Variants in SLC19A3 observed in about 807,000 individuals in gnomAD.
SLC19A3 encodes thiamine transporter 2.
SLC19A3 carries 31 observed loss-of-function variants against 40.2 expected under a neutral mutation model. The observed-to-expected ratio is 0.77, with a 90% CI of 0.58 to 1.04. The LOEUF (loss-of-function observed/expected upper bound fraction) is 1.04. SLC19A3 is among the 50% of genes least tolerant of loss of function. The pLI, the probability that SLC19A3 is intolerant of heterozygous loss-of-function variation, is 0.00. For missense variants in SLC19A3, 592 were observed against 596.7 expected, an observed-to-expected ratio of 0.99 and a Z score of 0.08; for synonymous variants, 212 against 227.5, an observed-to-expected ratio of 0.93 and a Z score of 0.61.
At position 227,713,401 on chromosome 2, in the gene SLC19A3, TAAA is replaced by T. The variant is rs56014411; in HGVS notation, c.-3+4539_-3+4541del. 4.3e-3 allele frequency among the ~76,000 whole-genome samples: 470 copies of T among 110,554 alleles called. 2 individuals are homozygous for T. Among genetic ancestry groups the T allele is most frequent in the Admixed American group, 6.7e-3 (66 of 9,816 alleles). The allele number at this position is 110,554 out of a possible 152,430, so 72.5% of individuals were successfully genotyped here. A position where few individuals can be genotyped will look rare whatever the true frequency, so the allele number is the denominator to read the frequency against. ...TGGGCTGGACAGTGAGACCCTGTTGTAAAAAAAAAAAAAAAAAAAAAAGAGGGG... is the reference window on the plus strand; with the variant it reads ...TGGGCTGGACAGTGAGACCCTGTTGTAAAAAAAAAAAAAAAAAAAGAGGGG... On this transcript the variant is annotated intron_variant, in intron 1 of 5. Transcript: ENST00000644224.
chr2:227,693,109 A>G (rs1223662523), intron 4 of SLC19A3, among the ~76,000 whole-genome samples: 1 of 152,198 alleles, frequency 6.6e-6, no homozygotes, highest in African/African-American at 2.4e-5. Flanking sequence ...TATTGTTAAA[A>G]TGCCCATACT....
At chr2:227,698,689 T>G in intron 3 of SLC19A3, 47 bp downstream of exon 3, 1 of 1,533,412 alleles carries the variant, frequency 6.5e-7, no homozygotes, top group East Asian at 2.2e-5. Context: ...AGGAATGGAC[T>G]TAAGCGGGTA....
intron 1 of SLC19A3, among the ~76,000 whole-genome samples, chr2:227,709,024 T>G (rs546968993): frequency 1.4e-4 from 21 of 152,348 alleles, no homozygotes; most frequent in African/African-American, 4.6e-4. Flanking sequence ...CTAAGCTAAT[T>G]TGGACCTTAT....
intron 1 of SLC19A3, among the ~76,000 whole-genome samples, chr2:227,717,609 G>T (rs1696376953): frequency 6.6e-6 from 1 of 152,160 alleles, no homozygotes; most frequent in Non-Finnish European, 1.5e-5. Context: ...TTGGAATTTG[G>T]AATTCTATGC....
Position 227,699,166 on chromosome 2 carries a change from A to G in SLC19A3, c.549T>C (p.Ala183=), listed in dbSNP as rs74693100. 7.6e-3 allele frequency: 12,276 copies of G among 1,614,154 alleles called. 760 individuals carry two copies. The African/African-American group carries it at 0.14, about 19-fold the overall frequency. ...TTGGTAGGAAAAGTGAGAAAAGGAA[A>G]GCCACGGAGACAGAGGCCAAGGATA... The part of the protein sequence containing the change: ...NVISLASVSV[A]FLFSLFLPMP... The change falls in exon 3 of 6, where the codon GCT becomes GCC. Residue 183 remains alanine (A), a synonymous_variant. Transcript: ENST00000644224.
chr2:227,693,717 CA>C, intron 4 of SLC19A3, among the ~76,000 whole-genome samples: 1 of 152,048 alleles, frequency 6.6e-6, no homozygotes, highest in East Asian at 1.9e-4. Flanking sequence ...CACAGGCAAC[CA>C]AAGCAAAAAT....
At chr2:227,690,410 T>C (rs550951671) in intron 4 of SLC19A3, among the ~76,000 whole-genome samples, 10 of 152,046 alleles carry the variant, frequency 6.6e-5, no homozygotes, top group African/African-American at 9.6e-5. Flanking sequence ...CAAGAGAATA[T>C]AAAAATTGTA....
At chr2:227,708,560 TCAAACAAACAAACAAACAAA>T (rs60812853) in intron 1 of SLC19A3, among the ~76,000 whole-genome samples, 1 of 150,700 alleles carries the variant, frequency 6.6e-6, no homozygotes, top group Non-Finnish European at 1.5e-5. Context: ...CCTGTCTCTA[TCAAACAAACAAACAAACAAA>T]CAAACAAACA....
chr2:227,714,488 C>G (rs1425231068), intron 1 of SLC19A3: 8 of 985,224 alleles, frequency 8.1e-6, no homozygotes, highest in African/African-American at 1.7e-5. Context: ...CTTTCTAGAA[C>G]CAAGCTGGCT....
At chr2:227,706,222 T>G in intron 1 of SLC19A3, 1 of 790,736 alleles carries the variant, frequency 1.3e-6, no homozygotes, top group Non-Finnish European at 1.7e-6. Flanking sequence ...TCCCGTCATA[T>G]TATCCGCCTC....
At chr2:227,697,587 C>G (rs189471583) in intron 3 of SLC19A3, among the ~76,000 whole-genome samples, 1 of 151,976 alleles carries the variant, frequency 6.6e-6, no homozygotes, top group Non-Finnish European at 1.5e-5. Context: ...TTAACAAAAC[C>G]CTCAGTGAGA....
At chr2:227,714,079 C>G (rs1559260582) in intron 1 of SLC19A3, among the ~76,000 whole-genome samples, 1 of 152,082 alleles carries the variant, frequency 6.6e-6, no homozygotes, top group Non-Finnish European at 1.5e-5. Context: ...TGGGTGTATA[C>G]AATTATAAAC....
rs147502239 is a variant in SLC19A3, at chr2:227,699,279, C to T, written c.436G>A (p.Val146Ile). The T allele has an allele frequency of 1.1e-4, 182 of 1,614,070 alleles. 1 individual carries two copies. The African/African-American group carries it at 1.6e-3, about 14-fold the overall frequency. ...YQRVSGYCRS[V>I]TLAAYTAGSV... The stretch of plus-strand genomic sequence containing the variant: ...CCTGCTGTGTAGGCGGCCAGCGTGA[C>T]GCTCCTGCAGTAGCCGCTCACTCTC... The change falls in exon 3 of 6, where the codon GTC becomes ATC. Residue 146 changes from valine to isoleucine, a missense_variant. Val to Ile is a conservative substitution (Grantham distance 29). Coordinates refer to ENST00000644224, the MANE Select transcript of SLC19A3 (RefSeq NM_025243.4).
At chr2:227,717,272 G>T (rs1696366576) in intron 1 of SLC19A3, among the ~76,000 whole-genome samples, 1 of 152,150 alleles carries the variant, frequency 6.6e-6, no homozygotes, top group African/African-American at 2.4e-5. Context: ...AAAGTGCTGG[G>T]ATTACAGGCG....
chr2:227,716,999 T>C (rs1425562047), intron 1 of SLC19A3, among the ~76,000 whole-genome samples: 2 of 80,642 alleles, frequency 2.5e-5, no homozygotes, highest in Admixed American at 1.2e-4. Flanking sequence ...AGTGCTTTTT[T>C]TTTTTTTTTT....
chr2:227,690,237 A>T (rs1695169467), intron 4 of SLC19A3, among the ~76,000 whole-genome samples: 1 of 152,190 alleles, frequency 6.6e-6, no homozygotes, highest in Admixed American at 6.5e-5. Context: ...CTATAGAGAC[A>T]TACATAGACT....
chr2:227,698,730 G>C lies in SLC19A3; in HGVS notation c.979+6C>G, dbSNP rs1484789333. The C allele has an allele frequency of 2.5e-6, 4 of 1,610,436 alleles. No individual in the cohort carries two copies. The highest frequency in any genetic ancestry group is 3.4e-6 in the Non-Finnish European group (4 of 1,177,716). Reference sequence around the variant, plus strand: ...AACAAAGGAAGATTAAGTGACATTTGCTTACCTCCAAAGGTTGCAATAGCT... The same window carrying C: ...AACAAAGGAAGATTAAGTGACATTTCCTTACCTCCAAAGGTTGCAATAGCT... On this transcript the variant is annotated splice_donor_region_variant and intron_variant, in intron 3 of 5. Coordinates refer to ENST00000644224, the MANE Select transcript of SLC19A3 (RefSeq NM_025243.4).
Position 227,703,291 on chromosome 2 carries a change from T to C in SLC19A3, c.-2-971A>G, listed in dbSNP as rs1404187361. ...AGCATTCTCATTCCGGAATAGCAAG[T>C]CTTACCTGGGTGGAATTCCAGGTAT... On this transcript the variant is annotated intron_variant, in intron 1 of 5. Transcript: ENST00000644224. The surrounding 1 kb of genome is among the most constrained non-coding windows in gnomAD (Gnocchi z 4.7). Among the ~76,000 whole-genome samples, 1 of 152,140 alleles carries C rather than the reference T, an allele frequency of 6.6e-6. No homozygotes were observed. Among genetic ancestry groups the C allele is most frequent in the African/African-American group, 2.4e-5 (1 of 41,422 alleles).
chr2:227,695,832 G>C, intron 4 of SLC19A3, 57 bp downstream of exon 4: 7 of 1,546,394 alleles, frequency 4.5e-6, no homozygotes, highest in Non-Finnish European at 5.4e-6. Context: ...AGAAAGTTTA[G>C]AAAGACAGAA....
Sources: allele counts gnomAD v4.1 joint callset (sites outside exome capture counted in the v4.1 genomes callset), GRCh38; gene constraint gnomAD v4.1.1; non-coding constraint Gnocchi (gnomAD v3.1); transcripts MANE v1.5; gene names NCBI Gene and HGNC (gene_info 2026-07-23, HGNC 2026-07-21).